Variants in SLC39A6 observed in about 807,000 individuals in gnomAD.
The protein encoded by SLC39A6 is solute carrier family 39 member 6.
Under a neutral mutation model 63.5 loss-of-function variants are expected in SLC39A6, and 51 were observed. That is an observed-to-expected ratio of 0.80 (90% CI 0.64 to 1.01). The LOEUF (loss-of-function observed/expected upper bound fraction) is 1.01. SLC39A6 is among the 50% of genes least tolerant of loss of function. The pLI is 0.00. For synonymous variants in SLC39A6, 318 were observed against 324.7 expected (o/e 0.98, Z 0.22); for missense variants, 805 against 927.8 (o/e 0.87, Z 1.72).
At chr18:36,114,696 A>G (rs2089329458) in intron 6 of SLC39A6, among the ~76,000 whole-genome samples, 1 of 152,236 alleles carries the variant, frequency 6.6e-6, no homozygotes, top group Admixed American at 6.5e-5. Flanking sequence ...TGGATTTTAA[A>G]TGTTAACCTT....
intron 1 of SLC39A6, among the ~76,000 whole-genome samples, chr18:36,128,188 C>A (rs923221227): frequency 1.3e-5 from 2 of 152,150 alleles, no homozygotes; most frequent in African/African-American, 4.8e-5. Flanking sequence ...AGCCAGAATT[C>A]AGTTAATTCA....
At chr18:36,123,724 AAG>A (rs2089412962) in intron 3 of SLC39A6, 60 bp from the exon 4 acceptor site, 1 of 1,506,188 alleles carries the variant, frequency 6.6e-7, no homozygotes, top group African/African-American at 1.4e-5. Context: ...CTCTACAAGA[AAG>A]ACTTTTGGAG....
rs1348333350 is a variant in SLC39A6 at position 36,122,824 on chromosome 18, T to C, written c.1141-554A>G. Among the ~76,000 whole-genome samples, 6 of 152,198 alleles carry C rather than the reference T, an allele frequency of 3.9e-5. No homozygotes were observed. In the East Asian group the frequency reaches 9.6e-4, roughly 24 times the overall value. ...CACCCCATACACACGCCACTTTCTA[T>C]CAGTAGGTATTCCCGAATGTCTGCC... On this transcript the variant is annotated intron_variant, in intron 4 of 9. Coordinates refer to ENST00000269187, the MANE Select transcript of SLC39A6 (RefSeq NM_012319.4).
Position 36,108,980 on chromosome 18 carries a change from A to G in SLC39A6, c.*613T>C, listed in dbSNP as rs942592072. ...GTTAAATGTACAACTAAATTAGTATATGAAAAGTGCTCACTACGTTTTTAC... is the reference window on the plus strand; with the variant it reads ...GTTAAATGTACAACTAAATTAGTATGTGAAAAGTGCTCACTACGTTTTTAC... On this transcript the variant is annotated 3_prime_UTR_variant, in exon 10 of 10. Transcript: ENST00000269187. 3.3e-5 allele frequency: 5 copies of G among 152,228 alleles called. No individual in the cohort carries two copies. The highest frequency in any genetic ancestry group is 1.2e-4 in the African/African-American group (5 of 41,470). 9.4% of individuals were successfully genotyped at this position (152,228 alleles called of 1,614,324 possible).
chr18:36,111,582 T>C (rs1268155316), intron 8 of SLC39A6, among the ~76,000 whole-genome samples: 1 of 151,802 alleles, frequency 6.6e-6, no homozygotes, highest in Non-Finnish European at 1.5e-5. Flanking sequence ...CTTCCTGGGT[T>C]CAAGCCATTC....
chr18:36,126,206 G>A lies in SLC39A6; in HGVS notation c.789+13C>T. The stretch of plus-strand genomic sequence containing the variant: ...CACAGGTATATTAAAATAATGAACA[G>A]CACTCATCTTACCTCCTGAGGATTT... On this transcript the variant is annotated intron_variant, in intron 2 of 9. Coordinates refer to ENST00000269187, the MANE Select transcript of SLC39A6 (RefSeq NM_012319.4). 1.2e-6 allele frequency: 2 copies of A among 1,607,272 alleles called. No individual in the cohort carries two copies. The highest frequency in any genetic ancestry group is 1.7e-6 in the Non-Finnish European group (2 of 1,174,978).
At chr18:36,119,288 T>A (rs2089371601) in intron 5 of SLC39A6, among the ~76,000 whole-genome samples, 1 of 152,210 alleles carries the variant, frequency 6.6e-6, no homozygotes, top group South Asian at 2.1e-4. Flanking sequence ...AGAGAACATG[T>A]AACATTTGCA....
Position 36,124,524 on chromosome 18 carries a change from T to G in SLC39A6, c.966A>C (p.Gln322His). The G allele has an allele frequency of 8.6e-6, 13 of 1,514,266 alleles. No individual in the cohort carries two copies. The highest frequency in any genetic ancestry group is 1.2e-5 in the Non-Finnish European group (13 of 1,112,958). The allele number at this position is 1,514,266 out of a possible 1,614,324, so 93.8% of individuals were successfully genotyped here. ...AEIPPKTYSL[Q>H]IAWVGGFIAI... ...ACATAAAAAAGGCAATTTTACCTATTTGTAATGAATAGGTCTTTGGAGGGA... is the reference window on the plus strand; with the variant it reads ...ACATAAAAAAGGCAATTTTACCTATGTGTAATGAATAGGTCTTTGGAGGGA... Residue 322 changes from glutamine to histidine, a missense_variant, in exon 3 of 10, where the codon CAA becomes CAC. This residue lies in a region of SLC39A6 where 639 missense variants were observed against 644.0 expected (regional missense o/e 0.99). Coordinates refer to ENST00000269187, the MANE Select transcript of SLC39A6 (RefSeq NM_012319.4).
intron 2 of SLC39A6, among the ~76,000 whole-genome samples, chr18:36,125,695 A>T (rs1270815661): frequency 6.6e-6 from 1 of 152,190 alleles, no homozygotes; most frequent in Non-Finnish European, 1.5e-5. Flanking sequence ...ATGAACTCAG[A>T]ACCTCACTGT....
chr18:36,126,956 T>A lies in SLC39A6; in HGVS notation c.52A>T (p.Thr18Ser). 5 of 1,614,160 alleles carry A rather than the reference T, an allele frequency of 3.1e-6. No homozygotes were observed. The highest frequency in any genetic ancestry group is 4.2e-6 in the Non-Finnish European group (5 of 1,180,020). ...ILILTFALSVTNPLHELKAAA... is the reference protein window; with the variant it reads ...ILILTFALSVSNPLHELKAAA... The stretch of plus-strand genomic sequence containing the variant: ...GCTTTTAGTTCATGAAGGGGATTTG[T>A]GACAGAGAGGGCAAAGGTCAGGATC... Residue 18 changes from threonine (T) to serine (S), a missense_variant, in exon 2 of 10, where the codon ACA becomes TCA. Physicochemically the swap from Thr to Ser is moderately conservative, Grantham distance 58. Coordinates refer to ENST00000269187, the MANE Select transcript of SLC39A6 (RefSeq NM_012319.4).
chr18:36,121,636 T>C (rs998465904), intron 5 of SLC39A6, among the ~76,000 whole-genome samples: 1 of 152,164 alleles, frequency 6.6e-6, no homozygotes, highest in African/African-American at 2.4e-5. Flanking sequence ...TCTGTAAAAG[T>C]CACATACCCT....
Position 36,126,310 on chromosome 18 carries a change from C to T in SLC39A6, c.698G>A (p.Ser233Asn), listed in dbSNP as rs2089436506. ...ATTTGTTTTCCTACCAGCCAGCCGGCTCACCCGGCTCTTTGATGTGACACT... is the reference window on the plus strand; with the variant it reads ...ATTTGTTTTCCTACCAGCCAGCCGGTTCACCCGGCTCTTTGATGTGACACT... ...PPSVTSKSRV[S>N]RLAGRKTNES... Residue 233 changes from serine to asparagine, a missense_variant, in exon 2 of 10, where the codon AGC (serine) becomes AAC (asparagine). By Grantham distance (46) the Ser-to-Asn change is conservative (BLOSUM62 1). Transcript: ENST00000269187. The T allele has an allele frequency of 1.2e-6, 2 of 1,614,102 alleles. No homozygotes were observed. The highest frequency in any genetic ancestry group is 1.7e-6 in the Non-Finnish European group (2 of 1,180,018).
At position 36,126,837 on chromosome 18, in the gene SLC39A6, T is replaced by C. The variant is rs1240239981; in HGVS notation, c.171A>G (p.Leu57=). 12 of 1,614,130 alleles carry C rather than the reference T, an allele frequency of 7.4e-6. No homozygotes were observed. The East Asian group carries it at 1.6e-4, about 21-fold the overall frequency. The change falls in exon 2 of 10, where the codon CTA becomes CTG. Residue 57 remains leucine (L), a synonymous_variant. Coordinates refer to ENST00000269187, the MANE Select transcript of SLC39A6 (RefSeq NM_012319.4). ...DLAISTRQYH[L]QQLFYRYGEN... is the part of the protein sequence containing the mutation. ...CTCCATAGCGGTAGAAAAGCTGTTG[T>C]AGATGATATTGCCGTGTGGAAATTG...
At chr18:36,123,253 C>A (rs576309818) in intron 4 of SLC39A6, among the ~76,000 whole-genome samples, 60 of 152,286 alleles carry the variant, frequency 3.9e-4, no homozygotes, top group Admixed American at 2.4e-3. Flanking sequence ...GAATTTGTCT[C>A]TTTTTATTAA....
intron 2 of SLC39A6, 112 bp downstream of exon 2, chr18:36,126,107 C>T: frequency 9.1e-7 from 1 of 1,094,894 alleles, no homozygotes; most frequent in Non-Finnish European, 1.3e-6. Flanking sequence ...ATTCCCTTTT[C>T]AATAACTTCA....
rs1424966383 is a variant in SLC39A6 at position 36,114,360 on chromosome 18, A to T, written c.1580T>A (p.Val527Asp). 1 of 1,614,200 alleles carries T rather than the reference A, an allele frequency of 6.2e-7. No individual in the cohort carries two copies. The highest frequency in any genetic ancestry group is 8.5e-7 in the Non-Finnish European group (1 of 1,180,042). ...VMIAHAHPQE[V>D]YNEYVPRGCK... ...CCCTCTGGGTACATATTCATTGTAG[A>T]CTTCCTGTGGATGAGCATGAGCTAT... Residue 527 changes from valine to aspartate, a missense_variant, in exon 7 of 10, where the codon GTC becomes GAC. Physicochemically the swap from Val to Asp is radical, Grantham distance 152. This residue lies in a region of SLC39A6 where 639 missense variants were observed against 644.0 expected (regional missense o/e 0.99). Coordinates refer to ENST00000269187, the MANE Select transcript of SLC39A6 (RefSeq NM_012319.4).
At chr18:36,112,256 C>T (rs1031090647) in intron 8 of SLC39A6, among the ~76,000 whole-genome samples, 4 of 152,198 alleles carry the variant, frequency 2.6e-5, no homozygotes, top group African/African-American at 4.8e-5. Flanking sequence ...TCATCCACTT[C>T]CCTTCAATTC....
At chr18:36,111,968 C>T (rs1190610579) in intron 8 of SLC39A6, among the ~76,000 whole-genome samples, 5 of 152,108 alleles carry the variant, frequency 3.3e-5, no homozygotes, top group Non-Finnish European at 2.9e-5. Context: ...GCATAAAAAA[C>T]AGCTGAAGAG....
chr18:36,114,953 C>T (rs1006449002), intron 6 of SLC39A6, among the ~76,000 whole-genome samples: 3 of 152,084 alleles, frequency 2.0e-5, no homozygotes, highest in Non-Finnish European at 4.4e-5. Context: ...ACAGAGAATC[C>T]GAATTATTTC....
Sources: allele counts gnomAD v4.1 joint callset (sites outside exome capture counted in the v4.1 genomes callset), GRCh38; gene constraint gnomAD v4.1.1; regional missense constraint gnomAD v4.1.1; transcripts MANE v1.5; gene names NCBI Gene and HGNC (gene_info 2026-07-23, HGNC 2026-07-21).